Variants in GDPD5 observed in about 807,000 individuals in gnomAD.
The protein encoded by GDPD5 is glycerophosphodiester phosphodiesterase 2.
A neutral mutation model predicts 75.1 loss-of-function variants in GDPD5; 48 were observed. The ratio of observed to expected loss-of-function variants is 0.64; its 90% CI spans 0.51 to 0.81. The LOEUF (loss-of-function observed/expected upper bound fraction) is 0.81, where lower values mean the gene tolerates loss of function less well. Ranked by LOEUF, GDPD5 falls within the 40% of genes least tolerant of loss-of-function variation. The probability of loss-of-function intolerance (pLI) is 0.00; values close to 1 mark genes in which losing one functional copy is unlikely to be tolerated. For synonymous variants in GDPD5, 336 were observed against 339.0 expected (o/e 0.99, Z 0.10); for missense variants, 706 against 822.6 (o/e 0.86, Z 1.73).
chr11:75,449,616 TGCAGGGAGAGG>T lies in GDPD5; in HGVS notation c.475-17_475-7del. Reference sequence around the variant, plus strand: ...TGCAGGAATGGCGCTGTGCCCTGTTTGCAGGGAGAGGGAAGGGAGACCAGTAACGCCCAGCT... The same window carrying T: ...TGCAGGAATGGCGCTGTGCCCTGTTTGAAGGGAGACCAGTAACGCCCAGCT... On this transcript the variant is annotated splice_region_variant and splice_polypyrimidine_tract_variant and intron_variant, in intron 7 of 16. Coordinates refer to ENST00000336898, the MANE Select transcript of GDPD5 (RefSeq NM_030792.8). 6.4e-7 allele frequency: 1 copy of T among 1,570,152 alleles called. No homozygotes were observed. Among genetic ancestry groups the T allele is most frequent in the Non-Finnish European group, 8.6e-7 (1 of 1,157,270 alleles).
intron 2 of GDPD5, among the ~76,000 whole-genome samples, chr11:75,481,754 T>C (rs1247061750): frequency 6.6e-6 from 1 of 152,026 alleles, no homozygotes; most frequent in African/African-American, 2.4e-5. Context: ...TCTACTGTCA[T>C]GTCAGCCACT....
intron 1 of GDPD5, among the ~76,000 whole-genome samples, chr11:75,502,465 T>C (rs747135179): frequency 9.9e-5 from 15 of 152,240 alleles, no homozygotes; most frequent in African/African-American, 3.6e-4. Context: ...CATTTATATA[T>C]GATGCCTAGG....
At chr11:75,501,085 C>T (rs1251222443) in intron 1 of GDPD5, among the ~76,000 whole-genome samples, 1 of 152,250 alleles carries the variant, frequency 6.6e-6, no homozygotes, top group Non-Finnish European at 1.5e-5. Flanking sequence ...GTCCCCAACA[C>T]CGAGGCCAAG....
chr11:75,466,809 G>T (rs1387206476), intron 3 of GDPD5, among the ~76,000 whole-genome samples: 1 of 152,122 alleles, frequency 6.6e-6, no homozygotes, highest in East Asian at 1.9e-4. Flanking sequence ...TTGCATAAAG[G>T]CTCAACACGG....
At chr11:75,482,085 CT>C (rs1185658074) in intron 2 of GDPD5, among the ~76,000 whole-genome samples, 1 of 152,124 alleles carries the variant, frequency 6.6e-6, no homozygotes, top group South Asian at 2.1e-4. Flanking sequence ...CCCCCTGCCC[CT>C]GGGACTAATT....
intron 15 of GDPD5, chr11:75,438,146 T>G (rs928500094): frequency 3.3e-5 from 5 of 152,390 alleles, no homozygotes; most frequent in African/African-American, 1.2e-4. Context: ...ACGGACACCC[T>G]GGCGAGGCTG....
intron 3 of GDPD5, among the ~76,000 whole-genome samples, chr11:75,476,733 C>A (rs1411614693): frequency 6.6e-6 from 1 of 152,152 alleles, no homozygotes; most frequent in African/African-American, 2.4e-5. Context: ...TTGGAGGTGA[C>A]GAACCCAGGC....
At chr11:75,467,917 C>G (rs922570784) in intron 3 of GDPD5, among the ~76,000 whole-genome samples, 2 of 152,188 alleles carry the variant, frequency 1.3e-5, no homozygotes, top group Admixed American at 6.5e-5. Flanking sequence ...TCTCTTCACC[C>G]TTCTTTGTCT....
rs143420998 is a variant in GDPD5 at position 75,457,713 on chromosome 11, C to A, written c.295G>T (p.Ala99Ser). 6.2e-7 allele frequency: 1 copy of A among 1,614,078 alleles called. No individual in the cohort carries two copies. The highest frequency in any genetic ancestry group is 2.2e-5 in the East Asian group (1 of 44,882). Reference protein sequence around the residue: ...PILVTTAAAFAYIAGLLVLAL... With the variant: ...PILVTTAAAFSYIAGLLVLAL... Reference sequence around the variant, plus strand: ...TGTACCAGGAGGCCAGCGATGTATGCGAAGGCAGCAGCTGTGGTCACAAGG... The same window carrying A: ...TGTACCAGGAGGCCAGCGATGTATGAGAAGGCAGCAGCTGTGGTCACAAGG... The change falls in exon 5 of 17, where the codon GCA (alanine) becomes TCA (serine). Residue 99 changes from alanine (A) to serine (S), a missense_variant. By Grantham distance (99) the Ala-to-Ser change is moderately conservative. Coordinates refer to ENST00000336898, the MANE Select transcript of GDPD5 (RefSeq NM_030792.8).
chr11:75,487,136 C>T (rs973894987), intron 2 of GDPD5, among the ~76,000 whole-genome samples: 4 of 152,222 alleles, frequency 2.6e-5, no homozygotes, highest in African/African-American at 9.7e-5. Context: ...CTGTGCTCTC[C>T]GGCCCCAGCC....
rs551843894 is a variant in GDPD5, at chr11:75,436,633, GA to G, written c.1669+302del. On this transcript the variant is annotated intron_variant, in intron 16 of 16. Transcript: ENST00000336898. ...TCCAAGTACGAACCAGGCAAAGGGG[GA>G]TGGGCCTTCAAAACAGACTCCTCTC... is the stretch of plus-strand genomic sequence containing the variant. 4.6e-5 allele frequency among the ~76,000 whole-genome samples: 7 copies of G among 152,240 alleles called. No homozygotes were observed. The South Asian group carries it at 1.2e-3, about 27-fold the overall frequency.
Position 75,489,867 on chromosome 11 carries a change from T to C in GDPD5, c.-61+370A>G, listed in dbSNP as rs557576464. Among the ~76,000 whole-genome samples, 10 of 152,214 alleles carry C rather than the reference T, an allele frequency of 6.6e-5. No individual in the cohort carries two copies. The East Asian group carries it at 1.9e-3, about 29-fold the overall frequency. On this transcript the variant is annotated intron_variant, in intron 2 of 16. Transcript: ENST00000336898. ...AATCTTCCTGCCTCAGCCTCCCAAGTAGCTGGGACTACAGGTGCATGCCAC... is the reference window on the plus strand; with the variant it reads ...AATCTTCCTGCCTCAGCCTCCCAAGCAGCTGGGACTACAGGTGCATGCCAC...
chr11:75,449,846 C>T (rs1289864616), intron 7 of GDPD5, 39 bp downstream of exon 7: 1 of 1,584,850 alleles, frequency 6.3e-7, no homozygotes, highest in Non-Finnish European at 8.7e-7. Flanking sequence ...GACAGAAAGG[C>T]TCTTGTTGTG....
At chr11:75,441,069 G>T in intron 14 of GDPD5, 94 bp downstream of exon 14, 2 of 1,293,406 alleles carry the variant, frequency 1.5e-6, no homozygotes, top group Non-Finnish European at 2.2e-6. Context: ...GACCTCCCAG[G>T]GACAGCTCCA....
At position 75,449,873 on chromosome 11, in the gene GDPD5, C is replaced by G. The variant is rs1203169009; in HGVS notation, c.474+12G>C. ...CTTGTTGTGAGGGTCCTGGGGGACC[C>G]TCCTCACTCACCTGCAGGGAGATCA... On this transcript the variant is annotated intron_variant, in intron 7 of 16. Transcript: ENST00000336898. 1.9e-6 allele frequency: 3 copies of G among 1,611,736 alleles called. No individual in the cohort carries two copies. In the African/African-American group the frequency reaches 4.0e-5, roughly 22 times the overall value.
chr11:75,450,205 C>T (rs1195158217), intron 6 of GDPD5, among the ~76,000 whole-genome samples: 1 of 151,996 alleles, frequency 6.6e-6, no homozygotes, highest in South Asian at 2.1e-4. Context: ...AGCAGGAGGC[C>T]GGCAGACCCA....
At position 75,441,705 on chromosome 11, in the gene GDPD5, C is replaced by G. The variant is rs772072815; in HGVS notation, c.1266G>C (p.Arg422=). The stretch of plus-strand genomic sequence containing the variant: ...GGTTCAGCCGCTGGATGTGGCCTCT[C>G]CGCAGGCTGGCGACTGCCTCCTTGG... ...SGSKEAVASL[R]RGHIQRLNLR... The change falls in exon 13 of 17, where the codon CGG becomes CGC. Residue 422 remains arginine, a synonymous_variant. Coordinates refer to ENST00000336898, the MANE Select transcript of GDPD5 (RefSeq NM_030792.8). The G allele has an allele frequency of 4.3e-6, 7 of 1,610,486 alleles. No individual in the cohort carries two copies. The African/African-American group carries it at 9.4e-5, about 22-fold the overall frequency.
In GDPD5 at chr11:75,439,945, C is replaced by T. The variant is rs772973736; in HGVS notation, c.1490G>A (p.Cys497Tyr). The T allele has an allele frequency of 3.7e-6, 6 of 1,613,812 alleles. 1 individual carries two copies. The highest frequency in any genetic ancestry group is 4.5e-5 in the East Asian group (2 of 44,878). The stretch of plus-strand genomic sequence containing the variant: ...CAGGTCGGCAGTGACCCACATGAGA[C>T]AGTACTCGTCCGGGGGCTGTGGACA... ...PLWIMPPDEY[C>Y]LMWVTADLVS... Residue 497 changes from cysteine (C) to tyrosine (Y), a missense_variant, in exon 15 of 17, where the codon TGT (cysteine) becomes TAT (tyrosine). Cys to Tyr is a radical substitution (Grantham distance 194, BLOSUM62 -2). Transcript: ENST00000336898.
Position 75,493,155 on chromosome 11 carries a change from T to C in GDPD5, c.-144-2835A>G, listed in dbSNP as rs186911364. Among the ~76,000 whole-genome samples the C allele has an allele frequency of 2.0e-5, 3 of 151,858 alleles. No individual in the cohort carries two copies. In the East Asian group the frequency reaches 5.8e-4, roughly 29 times the overall value. On this transcript the variant is annotated intron_variant, in intron 1 of 16. Coordinates refer to ENST00000336898, the MANE Select transcript of GDPD5 (RefSeq NM_030792.8). ...CATTTGTCTATTGTTCATTGTATGA[T>C]AGAGAACTCTTTATTGGCAAGAAGA...
Sources: allele counts gnomAD v4.1 joint callset (sites outside exome capture counted in the v4.1 genomes callset), GRCh38; gene constraint gnomAD v4.1.1; transcripts MANE v1.5; gene names NCBI Gene and HGNC (gene_info 2026-07-23, HGNC 2026-07-21).